The following RNGTT variants were observed in gnomAD, a reference collection of about 807,000 sequenced individuals.
The protein encoded by RNGTT is mRNA-capping enzyme.
A neutral mutation model predicts 79.3 loss-of-function variants in RNGTT; 33 were observed. That is an observed-to-expected ratio of 0.42 (90% CI 0.32 to 0.56). The LOEUF (loss-of-function observed/expected upper bound fraction) is 0.56, where lower values mean the gene tolerates loss of function less well. Among genes scored for constraint, RNGTT ranks in the 20% least tolerant of loss-of-function variants. The pLI is 0.17. For synonymous variants in RNGTT, 222 were observed against 235.9 expected, an observed-to-expected ratio of 0.94 and a Z score of 0.54; for missense variants, 497 against 739.1, an observed-to-expected ratio of 0.67 and a Z score of 3.80.
At position 88,854,661 on chromosome 6, in the gene RNGTT, C is replaced by G. The variant is rs1344595283; in HGVS notation, c.897-897G>C. Among the ~76,000 whole-genome samples, 5 of 152,154 alleles carry G rather than the reference C, an allele frequency of 3.3e-5. No homozygotes were observed. The East Asian group carries it at 9.6e-4, about 29-fold the overall frequency. ...GTATAACTTTTCTTCTCATTTATGA[C>G]TATAAAATTAAAATATTTTTAAACA... is the stretch of plus-strand genomic sequence containing the variant. On this transcript the variant is annotated intron_variant, in intron 8 of 15. Coordinates refer to ENST00000369485, the MANE Select transcript of RNGTT (RefSeq NM_003800.5).
At chr6:88,958,125 G>A (rs1176002586) in intron 1 of RNGTT, among the ~76,000 whole-genome samples, 1 of 152,126 alleles carries the variant, frequency 6.6e-6, no homozygotes, top group Non-Finnish European at 1.5e-5. Flanking sequence ...CATAAAGTGG[G>A]GAAAGGACAC....
intron 13 of RNGTT, among the ~76,000 whole-genome samples, chr6:88,695,853 T>A (rs1460202848): frequency 6.6e-6 from 1 of 152,196 alleles, no homozygotes; most frequent in Non-Finnish European, 1.5e-5. Flanking sequence ...TGTGACAACA[T>A]GGAAGAATCT....
chr6:88,936,428 T>C (rs540238654), intron 2 of RNGTT, among the ~76,000 whole-genome samples: 30 of 152,326 alleles, frequency 2.0e-4, no homozygotes, highest in South Asian at 8.3e-4. Flanking sequence ...CCATGATGAA[T>C]AAGTGGACAT....
chr6:88,891,965 A>C (rs1419654740), intron 6 of RNGTT, 50 bp from the exon 7 acceptor site: 3 of 1,240,088 alleles, frequency 2.4e-6, no homozygotes, highest in Non-Finnish European at 3.3e-6. Context: ...ATTTTATTAG[A>C]GTTCAAATTC....
intron 13 of RNGTT, among the ~76,000 whole-genome samples, chr6:88,732,212 T>G (rs1777140080): frequency 6.6e-6 from 1 of 152,030 alleles, no homozygotes; most frequent in Non-Finnish European, 1.5e-5. Flanking sequence ...GATCCAAAAA[T>G]GGACAAAGGA....
intron 14 of RNGTT, among the ~76,000 whole-genome samples, chr6:88,651,021 A>T (rs1289846139): frequency 6.6e-6 from 1 of 152,170 alleles, no homozygotes; most frequent in Non-Finnish European, 1.5e-5. Context: ...TTAACAACTA[A>T]GGAAGATAAA....
At chr6:88,908,704 G>A (rs1783737024) in intron 4 of RNGTT, among the ~76,000 whole-genome samples, 1 of 152,052 alleles carries the variant, frequency 6.6e-6, no homozygotes, top group Non-Finnish European at 1.5e-5. Context: ...ACCACCATAG[G>A]GCCCATCCTC....
intron 11 of RNGTT, among the ~76,000 whole-genome samples, chr6:88,809,331 GA>G (rs1207431149): frequency 1.3e-5 from 2 of 150,396 alleles, no homozygotes; most frequent in Non-Finnish European, 3.0e-5. Flanking sequence ...TGGACAAATA[GA>G]AAAAAAAATC....
chr6:88,872,701 C>A (rs1369875106), intron 8 of RNGTT, among the ~76,000 whole-genome samples: 3 of 151,962 alleles, frequency 2.0e-5, no homozygotes, highest in Non-Finnish European at 4.4e-5. Context: ...ATGGCTATAA[C>A]AATGAAGATA....
chr6:88,713,454 G>A (rs1159581830), intron 13 of RNGTT, among the ~76,000 whole-genome samples: 1 of 152,158 alleles, frequency 6.6e-6, no homozygotes, highest in Non-Finnish European at 1.5e-5. Flanking sequence ...GGAAGGCAAA[G>A]ATGAAATGAA....
intron 13 of RNGTT, among the ~76,000 whole-genome samples, chr6:88,748,999 C>CT (rs914761673): frequency 6.6e-6 from 1 of 151,920 alleles, no homozygotes; most frequent in Non-Finnish European, 1.5e-5. Context: ...AAGAAGACAA[C>CT]TATACGAACA....
At chr6:88,950,580 C>A (rs1785209485) in intron 1 of RNGTT, among the ~76,000 whole-genome samples, 2 of 152,026 alleles carry the variant, frequency 1.3e-5, no homozygotes, top group African/African-American at 4.8e-5. Flanking sequence ...TTTATTATAA[C>A]CCTCATGGAT....
intron 14 of RNGTT, among the ~76,000 whole-genome samples, chr6:88,640,745 C>T (rs745374805): frequency 3.3e-5 from 5 of 151,970 alleles, no homozygotes; most frequent in Admixed American, 6.6e-5. Flanking sequence ...TACAAATGAC[C>T]ATGACAAAGC....
intron 8 of RNGTT, among the ~76,000 whole-genome samples, chr6:88,881,161 TA>T (rs1782684336): frequency 6.6e-6 from 1 of 152,186 alleles, no homozygotes; most frequent in Non-Finnish European, 1.5e-5. Flanking sequence ...CGAGTTCCTT[TA>T]AAATACACTT....
chr6:88,691,048 G>A (rs958984095), intron 13 of RNGTT, among the ~76,000 whole-genome samples: 1 of 152,182 alleles, frequency 6.6e-6, no homozygotes, highest in African/African-American at 2.4e-5. Context: ...AAAGAGCAAA[G>A]TGTGGTTTGG....
intron 14 of RNGTT, among the ~76,000 whole-genome samples, chr6:88,643,520 A>G (rs1773407540): frequency 6.6e-6 from 1 of 152,140 alleles, no homozygotes; most frequent in African/African-American, 2.4e-5. Context: ...CATCTACATA[A>G]CTCTCCACCC....
At chr6:88,801,497 T>A in intron 12 of RNGTT, 67 bp downstream of exon 12, 1 of 1,228,150 alleles carries the variant, frequency 8.1e-7, no homozygotes, top group African/African-American at 1.5e-5. Flanking sequence ...TGTATGTATA[T>A]GTATATCTGT....
intron 14 of RNGTT, among the ~76,000 whole-genome samples, chr6:88,663,852 CA>C (rs1305909266): frequency 6.6e-6 from 1 of 152,100 alleles, no homozygotes; most frequent in Non-Finnish European, 1.5e-5. Context: ...CTTTGTGTAC[CA>C]ACCTTTTACC....
At chr6:88,956,027 C>T (rs1216655749) in intron 1 of RNGTT, among the ~76,000 whole-genome samples, 21 of 116,434 alleles carry the variant, frequency 1.8e-4, no homozygotes, top group African/African-American at 4.9e-4. Context: ...GGTGACAGAG[C>T]GAGACTCTGT....
Sources: allele counts gnomAD v4.1 joint callset (sites outside exome capture counted in the v4.1 genomes callset), GRCh38; gene constraint gnomAD v4.1.1; transcripts MANE v1.5; gene names NCBI Gene and HGNC (gene_info 2026-07-23, HGNC 2026-07-21).